PSD3: variants seen among roughly 807,000 people sequenced by gnomAD.
The protein encoded by PSD3 is pleckstrin and Sec7 domain containing 3.
Under a neutral mutation model 105.5 loss-of-function variants are expected in PSD3, and 49 were observed. The observed-to-expected ratio is 0.46, with a 90% confidence interval of 0.37 to 0.59. The LOEUF is 0.59. Ranked by LOEUF, PSD3 falls within the 20% of genes least tolerant of loss-of-function variation. PSD3 has a pLI of 0.00. For missense variants in PSD3, 1,561 were observed against 1,263.8 expected, an observed-to-expected ratio of 1.24 and a Z score of -3.57; for synonymous variants, 557 against 457.8, an observed-to-expected ratio of 1.22 and a Z score of -2.77.
At chr8:19,012,725 T>C (rs144291164) in intron 1 of PSD3, among the ~76,000 whole-genome samples, 2 of 152,332 alleles carry the variant, frequency 1.3e-5, no homozygotes, top group Non-Finnish European at 2.9e-5. Flanking sequence ...AACGAACGCA[T>C]TGAGGCATTT....
At chr8:18,607,454 A>G (rs1001550313) in intron 11 of PSD3, among the ~76,000 whole-genome samples, 1 of 152,124 alleles carries the variant, frequency 6.6e-6, no homozygotes, top group Admixed American at 6.5e-5. Context: ...TGTGGAACCT[A>G]TGACCACCTT....
intron 1 of PSD3, among the ~76,000 whole-genome samples, chr8:19,044,813 G>A (rs539353831): frequency 2.1e-4 from 32 of 152,292 alleles, no homozygotes; most frequent in Non-Finnish European, 3.4e-4. Flanking sequence ...GTTTGGTGGA[G>A]AGACGGGAAA....
At chr8:18,771,455 C>A (rs775109004) in intron 8 of PSD3, among the ~76,000 whole-genome samples, 67 of 152,116 alleles carry the variant, frequency 4.4e-4, no homozygotes, top group South Asian at 8.3e-4. Flanking sequence ...AAGATTTACT[C>A]CAAAAAATTT....
intron 3 of PSD3, among the ~76,000 whole-genome samples, chr8:18,868,762 T>A (rs910079320): frequency 4.4e-4 from 67 of 152,334 alleles, no homozygotes; most frequent in African/African-American, 1.6e-3. Flanking sequence ...CAGCATGTTC[T>A]ACAAATATTA....
chr8:18,817,609 C>A (rs537473033), intron 4 of PSD3, among the ~76,000 whole-genome samples: 20 of 152,334 alleles, frequency 1.3e-4, no homozygotes, highest in Admixed American at 2.6e-4. Context: ...ATGCAGCTAT[C>A]AACTTGAGTA....
intron 15 of PSD3, among the ~76,000 whole-genome samples, chr8:18,548,403 G>A (rs1374168900): frequency 6.6e-6 from 1 of 152,092 alleles, no homozygotes; most frequent in Non-Finnish European, 1.5e-5. Context: ...GTCTTGCACT[G>A]CTGTTTTTGC....
intron 9 of PSD3, among the ~76,000 whole-genome samples, chr8:18,752,243 C>T (rs975409969): frequency 6.6e-6 from 1 of 150,966 alleles, no homozygotes; most frequent in African/African-American, 2.4e-5. Flanking sequence ...TCAAGTTGTA[C>T]ATGCAGAATC....
chr8:19,077,277 C>T (rs1829488769), intron 1 of PSD3, among the ~76,000 whole-genome samples: 1 of 152,142 alleles, frequency 6.6e-6, no homozygotes, highest in African/African-American at 2.4e-5. Context: ...TTGAATAATT[C>T]CCTGGAGCTT....
chr8:18,732,051 C>T (rs1009702502), intron 9 of PSD3, among the ~76,000 whole-genome samples: 7 of 151,936 alleles, frequency 4.6e-5, no homozygotes, highest in Non-Finnish European at 8.8e-5. Context: ...CTCTCATATA[C>T]AACTAGAAGA....
intron 12 of PSD3, among the ~76,000 whole-genome samples, chr8:18,582,143 T>C (rs987806075): frequency 6.6e-6 from 1 of 152,112 alleles, no homozygotes; most frequent in South Asian, 2.1e-4. Context: ...AAGGGGAATA[T>C]GAGAAAAAGA....
At chr8:18,781,948 C>T (rs190293202) in intron 8 of PSD3, among the ~76,000 whole-genome samples, 8 of 151,968 alleles carry the variant, frequency 5.3e-5, no homozygotes, top group African/African-American at 1.4e-4. Context: ...TTTACAAATT[C>T]TTCTGCTTGA....
At chr8:18,928,558 G>C (rs1377423097) in intron 2 of PSD3, among the ~76,000 whole-genome samples, 2 of 152,094 alleles carry the variant, frequency 1.3e-5, no homozygotes, top group Non-Finnish European at 2.9e-5. Flanking sequence ...AGCAAAACTA[G>C]TCATAACAAT....
Position 18,632,794 on chromosome 8 carries a change from C to CTCTTCA in PSD3, c.2223_2228dup (p.Asp741_Glu742dup). Reference sequence around the variant, plus strand: ...TACTTTCTGAGGGAGACTTTTTTTTCTCTTCATCATCTCTAAAAGGGAGAA... The same window carrying CTCTTCA: ...TACTTTCTGAGGGAGACTTTTTTTTCTCTTCATCTTCATCATCTCTAAAAGGGAGAA... On this transcript the variant is annotated inframe_insertion, in exon 11 of 16. Coordinates refer to ENST00000327040, the MANE Select transcript of PSD3 (RefSeq NM_015310.4). The CTCTTCA allele has an allele frequency of 6.4e-7, 1 of 1,571,298 alleles. No individual in the cohort carries two copies.
chr8:18,684,138 C>T (rs1436660110), intron 9 of PSD3: 1 of 472,088 alleles, frequency 2.1e-6, no homozygotes. Flanking sequence ...GTTCCAGGCA[C>T]AGCTCACGTC....
intron 1 of PSD3, among the ~76,000 whole-genome samples, chr8:19,021,204 G>A (rs984202258): frequency 3.9e-5 from 6 of 152,170 alleles, no homozygotes; most frequent in African/African-American, 1.4e-4. Context: ...TTCTTTAATG[G>A]AATATGTTCA....
intron 1 of PSD3, among the ~76,000 whole-genome samples, chr8:18,937,922 A>G (rs148515238): frequency 1.3e-5 from 2 of 152,094 alleles, no homozygotes; most frequent in Non-Finnish European, 2.9e-5. Flanking sequence ...GGCCATACGC[A>G]TGGCCTTAAG....
At chr8:18,830,087 C>T (rs1171316350) in intron 4 of PSD3, among the ~76,000 whole-genome samples, 2 of 152,122 alleles carry the variant, frequency 1.3e-5, no homozygotes, top group East Asian at 1.9e-4. Flanking sequence ...CCTGTGTCAG[C>T]CTCCCGAGTA....
chr8:18,699,594 T>C (rs1346902999), intron 9 of PSD3, among the ~76,000 whole-genome samples: 1 of 152,206 alleles, frequency 6.6e-6, no homozygotes, highest in Non-Finnish European at 1.5e-5. Flanking sequence ...ATATGAAGGA[T>C]AGTGCCCTTA....
intron 14 of PSD3, among the ~76,000 whole-genome samples, chr8:18,571,234 T>C (rs541900617): frequency 9.3e-4 from 141 of 152,260 alleles, no homozygotes; most frequent in African/African-American, 3.0e-3. Context: ...ACAAGGCCTT[T>C]CATGATTTGG....
Sources: allele counts gnomAD v4.1 joint callset (sites outside exome capture counted in the v4.1 genomes callset), GRCh38; gene constraint gnomAD v4.1.1; transcripts MANE v1.5; gene names NCBI Gene and HGNC (gene_info 2026-07-23, HGNC 2026-07-21).